LRGUK: variants seen among roughly 807,000 people sequenced by gnomAD.
LRGUK encodes leucine-rich repeat and guanylate kinase domain-containing protein.
Under a neutral mutation model 76.0 loss-of-function variants are expected in LRGUK, and 65 were observed. The observed-to-expected ratio is 0.85, with a 90% confidence interval of 0.70 to 1.05. The LOEUF (loss-of-function observed/expected upper bound fraction) is 1.05. Ranked by LOEUF, LRGUK falls within the 50% of genes least tolerant of loss-of-function variation. LRGUK has a pLI of 0.00. For missense variants in LRGUK, 758 were observed against 732.8 expected, an observed-to-expected ratio of 1.03 and a Z score of -0.40; for synonymous variants, 268 against 265.6, an observed-to-expected ratio of 1.01 and a Z score of -0.09.
chr7:134,155,225 A>G (rs1307250431), intron 5 of LRGUK, among the ~76,000 whole-genome samples: 2 of 152,180 alleles, frequency 1.3e-5, no homozygotes, highest in Non-Finnish European at 2.9e-5. Flanking sequence ...CCTGAGTGAG[A>G]TAGTTTAATC....
intron 7 of LRGUK, among the ~76,000 whole-genome samples, chr7:134,171,149 C>A (rs202191729): frequency 7.4e-6 from 1 of 136,040 alleles, no homozygotes; most frequent in Non-Finnish European, 1.6e-5. Context: ...TTTTTTTTTT[C>A]TTTTTCCCCC....
At chr7:134,254,837 C>G (rs911353982) in intron 18 of LRGUK, among the ~76,000 whole-genome samples, 1 of 152,228 alleles carries the variant, frequency 6.6e-6, no homozygotes, top group Non-Finnish European at 1.5e-5. Context: ...ACTTGATGGA[C>G]TATTATGCAG....
chr7:134,263,764 G>A, intron 19 of LRGUK, 81 bp from the exon 20 acceptor site: 2 of 1,328,206 alleles, frequency 1.5e-6, no homozygotes, highest in Non-Finnish European at 2.0e-6. Context: ...AATTGTTCTG[G>A]TGCTTATATC....
intron 7 of LRGUK, among the ~76,000 whole-genome samples, chr7:134,167,193 G>A (rs1799030082): frequency 6.6e-6 from 1 of 152,326 alleles, no homozygotes; most frequent in African/African-American, 2.4e-5. Flanking sequence ...ACCCAAAGGT[G>A]ATGCCCAAGG....
intron 1 of LRGUK, among the ~76,000 whole-genome samples, chr7:134,132,701 T>C (rs1027132047): frequency 6.6e-6 from 1 of 151,798 alleles, no homozygotes; most frequent in Non-Finnish European, 1.5e-5. Context: ...CCACAGAGAA[T>C]GGTGGGTTCA....
rs770709997 is a variant in LRGUK at position 134,263,853 on chromosome 7, A to G, written c.2356A>G (p.Ile786Val). 18 of 1,609,980 alleles carry G rather than the reference A, an allele frequency of 1.1e-5. No homozygotes were observed. Among genetic ancestry groups the G allele is most frequent in the Admixed American group, 3.4e-5 (2 of 59,424 alleles). ...TTCTGAATGTTTTACAGCACTACCT[A>G]TACAATCATTTTCACATGAAAAAGA... The change falls in exon 20 of 20, where the codon ATA becomes GTA. Residue 786 changes from isoleucine (I) to valine (V), a missense_variant. Physicochemically the swap from Ile to Val is conservative, Grantham distance 29. Coordinates refer to the LRGUK transcript ENST00000285928.
exon 1 of LRGUK, chr7:134,127,646 C>G (rs189600548): frequency 1.2e-6 from 2 of 1,613,406 alleles, no homozygotes; most frequent in South Asian, 2.2e-5. Flanking sequence ...CCTCAGAGTC[C>G]GAAATGCTGA....
At chr7:134,264,058 G>A (rs1178573822) in exon 20 of LRGUK, 3 of 1,405,904 alleles carry the variant, frequency 2.1e-6, no homozygotes, top group East Asian at 2.6e-5. Context: ...CATGGGTCCA[G>A]CTGTTTCTCA....
exon 3 of LRGUK, chr7:134,139,469 G>A (rs1797674729): frequency 6.2e-7 from 1 of 1,610,130 alleles, no homozygotes; most frequent in Admixed American, 1.7e-5. Context: ...CATTCTCTGT[G>A]GATATGTTCA....
At position 134,163,279 on chromosome 7, in the gene LRGUK, G is replaced by T. The variant is rs985215904; in HGVS notation, c.796-118G>T. ...GGAAATGGGATGGAGGGAAGGACAA[G>T]AATGCCTTCTTGATTTTTTTTAGAG... On this transcript the variant is annotated intron_variant, in intron 6 of 15. Coordinates refer to ENST00000645682, the Ensembl canonical transcript of LRGUK. 1.2e-5 allele frequency: 10 copies of T among 837,316 alleles called. No homozygotes were observed. The Admixed American group carries it at 2.1e-4, about 17-fold the overall frequency. The allele number at this position is 837,316 out of a possible 1,614,324, so 51.9% of individuals were successfully genotyped here.
At chr7:134,191,482 G>A (rs774274040) in intron 11 of LRGUK, among the ~76,000 whole-genome samples, 173 bp from the exon 12 acceptor site, 1 of 152,162 alleles carries the variant, frequency 6.6e-6, no homozygotes, top group Non-Finnish European at 1.5e-5. Flanking sequence ...ATAGATGATA[G>A]CAACTGAATA....
intron 8 of LRGUK, among the ~76,000 whole-genome samples, chr7:134,176,145 A>G (rs1799468677): frequency 6.6e-6 from 1 of 152,070 alleles, no homozygotes; most frequent in Non-Finnish European, 1.5e-5. Context: ...CAAACACCAC[A>G]TGTCCTCACT....
chr7:134,223,247 C>T (rs1244847824), intron 16 of LRGUK, among the ~76,000 whole-genome samples: 1 of 152,160 alleles, frequency 6.6e-6, no homozygotes, highest in Non-Finnish European at 1.5e-5. Flanking sequence ...GCTCTGTGCT[C>T]ATTCTTCCCG....
Position 134,209,827 on chromosome 7 carries a change from T to TC in LRGUK, c.2970dup (p.Ser991GlnfsTer44). ...GTGAGGTGAAACTCCCTCTTATCAG[T>TC]CCCCCCAGCCAGGAGCAAGCAGAAC... On this transcript the variant is annotated frameshift_variant, in exon 16 of 16. Coordinates refer to ENST00000645682, the Ensembl canonical transcript of LRGUK. LOFTEE classifies it low-confidence loss of function (END_TRUNC). 2.5e-6 allele frequency: 1 copy of TC among 398,762 alleles called. No homozygotes were observed. Among genetic ancestry groups the TC allele is most frequent in the Non-Finnish European group, 4.4e-6 (1 of 226,316 alleles). 24.7% of individuals were successfully genotyped at this position (398,762 alleles called of 1,614,324 possible).
rs183849520 is a variant in LRGUK at position 134,154,316 on chromosome 7, A to T, written c.671-3719A>T. Among the ~76,000 whole-genome samples the T allele has an allele frequency of 1.3e-4, 20 of 152,348 alleles. 1 individual carries two copies. The highest frequency in any genetic ancestry group is 3.4e-4 in the African/African-American group (14 of 41,594). On this transcript the variant is annotated intron_variant, in intron 5 of 15. Coordinates refer to ENST00000645682, the Ensembl canonical transcript of LRGUK. ...TTATCAGGAAGTCCCGAGACCTGTG[A>T]AAGAACACGAATAATGTTAGGAGGA...
At chr7:134,162,501 A>T (rs1417385122) in intron 6 of LRGUK, among the ~76,000 whole-genome samples, 1 of 152,154 alleles carries the variant, frequency 6.6e-6, no homozygotes, top group Non-Finnish European at 1.5e-5. Flanking sequence ...TCTTTGGTGA[A>T]GCTAATTCAT....
At chr7:134,165,886 T>G (rs1798958646) in intron 7 of LRGUK, among the ~76,000 whole-genome samples, 1 of 151,842 alleles carries the variant, frequency 6.6e-6, no homozygotes, top group Non-Finnish European at 1.5e-5. Flanking sequence ...AAAAGAGGAG[T>G]ATCATCACGT....
chr7:134,242,477 C>A (rs1046905878), intron 16 of LRGUK, among the ~76,000 whole-genome samples: 1 of 152,166 alleles, frequency 6.6e-6, no homozygotes, highest in Non-Finnish European at 1.5e-5. Context: ...TTCCTGGACA[C>A]ATACACCCTC....
chr7:134,234,013 T>C (rs560368398), intron 16 of LRGUK, among the ~76,000 whole-genome samples: 5 of 152,316 alleles, frequency 3.3e-5, no homozygotes, highest in African/African-American at 1.2e-4. Context: ...TTGTTAATGT[T>C]CGTGTATTTT....
Sources: gnomAD v4.1 joint callset for allele counts (sites outside exome capture counted in the v4.1 genomes callset) on GRCh38, gnomAD v4.1.1 for gene constraint, MANE v1.5 for transcripts, NCBI Gene and HGNC (gene_info 2026-07-23, HGNC 2026-07-21) for gene names.